Variants in MYO1H observed in about 807,000 individuals in gnomAD.
MYO1H encodes the protein unconventional myosin-Ih.
A neutral mutation model predicts 149.3 loss-of-function variants in MYO1H; 118 were observed. That is an observed-to-expected ratio of 0.79 (90% confidence interval 0.68 to 0.92). MYO1H has a LOEUF of 0.92. Ranked by LOEUF, MYO1H falls within the 40% of genes least tolerant of loss-of-function variation. MYO1H has a pLI of 0.00. For synonymous variants in MYO1H, 447 were observed against 465.2 expected (o/e 0.96, Z 0.50); for missense variants, 1,212 against 1,280.7 (o/e 0.95, Z 0.82).
At position 109,445,605 on chromosome 12, in the gene MYO1H, T is replaced by A; in HGVS notation, c.3086T>A (p.Leu1029Ter). The change falls in exon 31 of 32, where the codon TTA becomes TAA. Residue 1029 changes from leucine to a stop codon, truncating the protein, a stop_gained. Coordinates refer to ENST00000310903, the Ensembl canonical transcript of MYO1H. LOFTEE classifies it high-confidence loss of function. ...GTCTATAAAAATAAAAATGGACAAT[T>A]AACAGTGGTGAGTGGCCGTCTCTGG... The A allele has an allele frequency of 6.2e-7, 1 of 1,611,868 alleles. No individual in the cohort carries two copies. Among genetic ancestry groups the A allele is most frequent in the Non-Finnish European group, 8.5e-7 (1 of 1,179,424 alleles).
At chr12:109,421,108 T>C in intron 16 of MYO1H, 81 bp downstream of exon 16, 1 of 1,029,642 alleles carries the variant, frequency 9.7e-7, no homozygotes. Context: ...GAATTCGCCT[T>C]CTGGATTTTT....
chr12:109,447,483 G>C, exon 32 of MYO1H: 1 of 503,160 alleles, frequency 2.0e-6, no homozygotes, highest in Non-Finnish European at 3.6e-6. Flanking sequence ...CGTGTCATTA[G>C]AGGGTGGGCA....
chr12:109,387,517 C>T (rs1351200941), intron 1 of MYO1H, among the ~76,000 whole-genome samples: 1 of 152,246 alleles, frequency 6.6e-6, no homozygotes, highest in Non-Finnish European at 1.5e-5. Flanking sequence ...TTAGGCATTT[C>T]TCCTTAAAGT....
At chr12:109,410,763 A>G (rs755112813) in exon 13 of MYO1H, 1 of 1,558,038 alleles carries the variant, frequency 6.4e-7, no homozygotes, top group South Asian at 1.1e-5. Flanking sequence ...AATCATATCT[A>G]TTCTGGTGAG....
intron 15 of MYO1H, among the ~76,000 whole-genome samples, chr12:109,420,057 C>T (rs151054147): frequency 1.3e-5 from 2 of 152,210 alleles, no homozygotes; most frequent in Admixed American, 1.3e-4. Flanking sequence ...TGTTTTTTCT[C>T]AGTCGTGGGG....
chr12:109,398,420 G>C (rs1400617159), intron 5 of MYO1H, among the ~76,000 whole-genome samples: 3 of 152,144 alleles, frequency 2.0e-5, no homozygotes, highest in Non-Finnish European at 4.4e-5. Context: ...CTGTATGCCA[G>C]CATGATATCA....
chr12:109,431,004 G>A (rs1247704998), intron 19 of MYO1H, among the ~76,000 whole-genome samples: 3 of 150,468 alleles, frequency 2.0e-5, no homozygotes, highest in Non-Finnish European at 4.4e-5. Flanking sequence ...GCAGTGAGCC[G>A]AGATCGCACC....
At chr12:109,436,635 TC>T in intron 22 of MYO1H, 79 bp downstream of exon 22, 1 of 932,632 alleles carries the variant, frequency 1.1e-6, no homozygotes, top group Non-Finnish European at 1.7e-6. Flanking sequence ...GTGAGTTCTC[TC>T]CCCCTGCTCA....
At position 109,409,984 on chromosome 12, in the gene MYO1H, T is replaced by A. The variant is rs1485421092; in HGVS notation, c.1245T>A (p.Asn415Lys). 3 of 1,537,334 alleles carry A rather than the reference T, an allele frequency of 2.0e-6. No individual in the cohort carries two copies. The highest frequency in any genetic ancestry group is 2.6e-6 in the Non-Finnish European group (3 of 1,140,224). Residue 415 changes from asparagine to lysine, a missense_variant, in exon 12 of 32, where the codon AAT (asparagine) becomes AAA (lysine). Coordinates refer to ENST00000310903, the Ensembl canonical transcript of MYO1H. The stretch of plus-strand genomic sequence containing the variant: ...CTAGTTTTGAACAGTTCTGTATAAA[T>A]TACTGCAATGAGAAACTCCAGCAAC...
chr12:109,438,054 C>T (rs952444084), intron 22 of MYO1H, among the ~76,000 whole-genome samples: 2 of 144,496 alleles, frequency 1.4e-5, no homozygotes, highest in Non-Finnish European at 3.0e-5. Context: ...CACCATTGCA[C>T]TCCAGCTTGG....
the MYO1H span, among the ~76,000 whole-genome samples, chr12:109,319,814 A>C: frequency 6.6e-6 from 1 of 152,138 alleles, no homozygotes; most frequent in Non-Finnish European, 1.5e-5. Flanking sequence ...ATAACGAGCA[A>C]AACTACCTCC....
At chr12:109,440,569 CA>C in intron 24 of MYO1H, 174 bp from the exon 25 acceptor site, 1 of 580,196 alleles carries the variant, frequency 1.7e-6, no homozygotes, top group Non-Finnish European at 3.1e-6. Context: ...TAAGCAACAG[CA>C]AAAAGTTGGG....
In MYO1H at chr12:109,445,639, T is replaced by TA. The variant is rs369003768; in HGVS notation, c.3093+29dup. The TA allele has an allele frequency of 1.0e-4, 161 of 1,600,890 alleles. 1 individual carries two copies. In the South Asian group the frequency reaches 1.7e-3, roughly 17 times the overall value. On this transcript the variant is annotated intron_variant, in intron 31 of 31. Transcript: ENST00000310903. ...TGAGTGGCCGTCTCTGGGAGGGAAG[T>TA]AAGCCGTTTTAGATGAGAATATAAG...
chr12:109,324,389 A>G, the MYO1H span, among the ~76,000 whole-genome samples: 10 of 152,178 alleles, frequency 6.6e-5, no homozygotes, highest in Non-Finnish European at 4.4e-5. Flanking sequence ...GTTACACTCT[A>G]CCTTTTGATA....
At chr12:109,357,825 A>T (rs1486724035) in intron 1 of MYO1H, among the ~76,000 whole-genome samples, 1 of 144,428 alleles carries the variant, frequency 6.9e-6, no homozygotes, top group East Asian at 2.0e-4. Context: ...TTCTCATGCC[A>T]TGAAATACTA....
intron 5 of MYO1H, among the ~76,000 whole-genome samples, chr12:109,400,673 A>C (rs941648603): frequency 1.3e-5 from 2 of 152,222 alleles, no homozygotes; most frequent in African/African-American, 4.8e-5. Context: ...GAAAGGATAG[A>C]GTTCACATGT....
At chr12:109,343,116 C>T (rs894673838), upstream of MYO1H, among the ~76,000 whole-genome samples, 3 of 152,022 alleles carry the variant, frequency 2.0e-5, no homozygotes, top group Non-Finnish European at 4.4e-5. Flanking sequence ...TTGCATTTAG[C>T]TATCATGATT....
intron 1 of MYO1H, among the ~76,000 whole-genome samples, chr12:109,371,812 A>G (rs376948514): frequency 2.2e-4 from 34 of 152,308 alleles, no homozygotes; most frequent in African/African-American, 7.9e-4. Context: ...TCCTTTCCAC[A>G]CTTACTGAGA....
intron 1 of MYO1H, among the ~76,000 whole-genome samples, chr12:109,370,434 CT>C (rs1868957218): frequency 6.6e-6 from 1 of 152,336 alleles, no homozygotes; most frequent in Admixed American, 6.5e-5. Context: ...GGCTGAAATT[CT>C]GATCCCTTCC....
Sources: gnomAD v4.1 joint callset for allele counts (sites outside exome capture counted in the v4.1 genomes callset) on GRCh38, gnomAD v4.1.1 for gene constraint, MANE v1.5 for transcripts, NCBI Gene and HGNC (gene_info 2026-07-23, HGNC 2026-07-21) for gene names.